NXPE4: variants seen among roughly 807,000 people sequenced by gnomAD.
NXPE4 encodes the protein neurexophilin and PC-esterase domain family member 4.
Under a neutral mutation model 33.3 loss-of-function variants are expected in NXPE4, and 42 were observed. That is an observed-to-expected ratio of 1.26 (90% CI 0.98 to 1.63). The LOEUF (loss-of-function observed/expected upper bound fraction) is 1.63, where lower values mean the gene tolerates loss of function less well. NXPE4 is among the 40% of genes most tolerant of loss of function. NXPE4 has a pLI of 0.00. For missense variants in NXPE4, 709 were observed against 647.6 expected, an observed-to-expected ratio of 1.09 and a Z score of -1.03; for synonymous variants, 253 against 234.9, an observed-to-expected ratio of 1.08 and a Z score of -0.71.
the NXPE4 span, among the ~76,000 whole-genome samples, chr11:114,614,848 G>T: frequency 6.6e-6 from 1 of 151,850 alleles, no homozygotes; most frequent in Middle Eastern, 3.2e-3. Context: ...AACAAGTGTT[G>T]CCTTATGGGT....
the NXPE4 span, among the ~76,000 whole-genome samples, chr11:114,620,159 T>G: frequency 6.6e-6 from 1 of 152,074 alleles, no homozygotes; most frequent in East Asian, 1.9e-4. Context: ...TGGTAGATGA[T>G]AAATATTGCC....
chr11:114,648,644 C>A, the NXPE4 span, among the ~76,000 whole-genome samples: 1 of 151,976 alleles, frequency 6.6e-6, no homozygotes, highest in Non-Finnish European at 1.5e-5. Flanking sequence ...AAGTTAGCAC[C>A]CATATGCATC....
At chr11:114,617,324 G>T in the NXPE4 span, among the ~76,000 whole-genome samples, 1 of 152,020 alleles carries the variant, frequency 6.6e-6, no homozygotes, top group African/African-American at 2.4e-5. Context: ...TGCCTCGTGG[G>T]TAACCACTCT....
chr11:114,656,750 TAA>T, the NXPE4 span, among the ~76,000 whole-genome samples: 1 of 152,138 alleles, frequency 6.6e-6, no homozygotes, highest in Admixed American at 6.6e-5. Flanking sequence ...GTAATATACT[TAA>T]TACAGTACTT....
the NXPE4 span, among the ~76,000 whole-genome samples, chr11:114,623,924 A>T: frequency 6.6e-6 from 1 of 152,054 alleles, no homozygotes; most frequent in Non-Finnish European, 1.5e-5. Flanking sequence ...TACCCAGTGG[A>T]TAATAAGAAC....
chr11:114,660,818 G>A, the NXPE4 span, among the ~76,000 whole-genome samples: 4 of 152,048 alleles, frequency 2.6e-5, no homozygotes, highest in Non-Finnish European at 5.9e-5. Flanking sequence ...TATTTTCACA[G>A]CCAATATGAT....
the NXPE4 span, among the ~76,000 whole-genome samples, chr11:114,608,073 C>T: frequency 6.6e-6 from 1 of 151,810 alleles, no homozygotes; most frequent in Non-Finnish European, 1.5e-5. Flanking sequence ...ACCACTGTTA[C>T]CCTGTGTCTA....
the NXPE4 span, among the ~76,000 whole-genome samples, chr11:114,663,489 G>C: frequency 1.3e-5 from 2 of 152,080 alleles, no homozygotes; most frequent in Non-Finnish European, 2.9e-5. Context: ...AAGAGCATGA[G>C]TGTCCCACCC....
the NXPE4 span, among the ~76,000 whole-genome samples, chr11:114,617,319 C>T: frequency 2.0e-5 from 3 of 151,924 alleles, no homozygotes; most frequent in Admixed American, 6.6e-5. Flanking sequence ...AGTTTTGCCT[C>T]GTGGGTAACC....
At chr11:114,601,977 T>A in the NXPE4 span, among the ~76,000 whole-genome samples, 1 of 87,852 alleles carries the variant, frequency 1.1e-5, no homozygotes, top group Non-Finnish European at 1.9e-5. Flanking sequence ...ATATATTCTG[T>A]TATATATAAT....
the NXPE4 span, among the ~76,000 whole-genome samples, chr11:114,637,840 G>C: frequency 6.6e-6 from 1 of 152,140 alleles, no homozygotes; most frequent in African/African-American, 2.4e-5. Context: ...TCTGCTGTTA[G>C]TCTGATGGGC....
chr11:114,596,062 A>T (rs969243562), upstream of NXPE4, among the ~76,000 whole-genome samples: 2 of 152,224 alleles, frequency 1.3e-5, no homozygotes, highest in Non-Finnish European at 1.5e-5. Context: ...TGAATGATTG[A>T]GAGTAATCAT....
intron 5 of NXPE4, among the ~76,000 whole-genome samples, chr11:114,577,428 G>C (rs1235951154): frequency 2.0e-5 from 3 of 152,024 alleles, no homozygotes; most frequent in African/African-American, 4.8e-5. Flanking sequence ...AGGGATAAAA[G>C]ACTATACATT....
chr11:114,582,620 G>T lies in NXPE4; in HGVS notation c.498C>A (p.Ser166Arg), dbSNP rs199976393. ...CCTGGCCCTCCCAGAACAGAGTGAA[G>T]CTGACCAGGTAGGTGCCGTTGTTGA... ...TDFNNGTYLV[S>R]FTLFWEGQVS... Residue 166 changes from serine (S) to arginine (R), a missense_variant, in exon 3 of 6, where the codon AGC becomes AGA. By Grantham distance (110) the Ser-to-Arg change is moderately radical. Transcript: ENST00000375478. 2.0e-4 allele frequency: 325 copies of T among 1,614,144 alleles called. 1 individual carries two copies. The African/African-American group carries it at 3.8e-3, about 19-fold the overall frequency.
the NXPE4 span, among the ~76,000 whole-genome samples, chr11:114,623,935 G>A: frequency 6.8e-6 from 1 of 147,594 alleles, no homozygotes; most frequent in African/African-American, 2.5e-5. Context: ...TAATAAGAAC[G>A]ACCTCTGGGG....
At chr11:114,649,424 A>C in the NXPE4 span, among the ~76,000 whole-genome samples, 12 of 152,352 alleles carry the variant, frequency 7.9e-5, no homozygotes, top group East Asian at 2.3e-3. Context: ...AACTACTAGT[A>C]CATGTTAGCA....
intron 5 of NXPE4, among the ~76,000 whole-genome samples, chr11:114,577,525 C>G (rs1274016017): frequency 6.6e-6 from 1 of 151,976 alleles, no homozygotes; most frequent in Non-Finnish European, 1.5e-5. Context: ...CCAAACACCA[C>G]CGGTTCCCCA....
intron 2 of NXPE4, 48 bp downstream of exon 2, chr11:114,594,616 T>C (rs2135300885): frequency 3.3e-6 from 4 of 1,199,762 alleles, no homozygotes; most frequent in East Asian, 2.3e-5. Flanking sequence ...GATGAGGTAA[T>C]AAGCAAAAAT....
the NXPE4 span, among the ~76,000 whole-genome samples, chr11:114,630,265 T>G: frequency 2.0e-5 from 3 of 151,730 alleles, no homozygotes; most frequent in African/African-American, 7.3e-5. Context: ...CTACCTGACT[T>G]CAAACTATAC....
Sources: gnomAD v4.1 joint callset for allele counts (sites outside exome capture counted in the v4.1 genomes callset) on GRCh38, gnomAD v4.1.1 for gene constraint, MANE v1.5 for transcripts, NCBI Gene and HGNC (gene_info 2026-07-23, HGNC 2026-07-21) for gene names.